UGT2B17: variants seen among roughly 807,000 people sequenced by gnomAD.
The protein encoded by UGT2B17 is UDP-glucuronosyltransferase 2B17.
UGT2B17 carries 21 observed loss-of-function variants against 48.2 expected under a neutral mutation model. The observed-to-expected ratio is 0.44, with a 90% CI of 0.31 to 0.63. UGT2B17 has a LOEUF of 0.63. Among genes scored for constraint, UGT2B17 ranks in the 20% least tolerant of loss-of-function variants. The pLI, the probability that UGT2B17 is intolerant of heterozygous loss-of-function variation, is 0.08. For synonymous variants in UGT2B17, 146 were observed against 238.4 expected (o/e 0.61, Z 3.57); for missense variants, 402 against 696.1 (o/e 0.58, Z 4.75).
In UGT2B17 at chr4:68,539,383, G is replaced by A. The variant is rs890326538; in HGVS notation, c.1314-1479C>T. On this transcript the variant is annotated intron_variant, in intron 6 of 6. Coordinates refer to ENST00000317746, the MANE Select transcript of UGT2B17 (RefSeq NM_001077.4). ...TAATTGCACTGGTGTAGAGTATTCA[G>A]TTGATTGACAAAGACCACAGATCTC... 1.1e-4 allele frequency among the ~76,000 whole-genome samples: 14 copies of A among 125,522 alleles called. 3 individuals carry two copies. The highest frequency in any genetic ancestry group is 3.8e-4 in the African/African-American group (14 of 36,864). The allele number at this position is 125,522 out of a possible 152,430, so 82.3% of individuals were successfully genotyped here. A position where few individuals can be genotyped will look rare whatever the true frequency, so the allele number is the denominator to read the frequency against.
At position 68,550,631 on chromosome 4, in the gene UGT2B17, A is replaced by C; in HGVS notation, c.1313+46T>G. ...GTTCAAACTCATATTCACTGTTGAC[A>C]AAATAATTTGTAAGTACCACCTGGT... On this transcript the variant is annotated intron_variant, in intron 6 of 6. Coordinates refer to ENST00000317746, the MANE Select transcript of UGT2B17 (RefSeq NM_001077.4). 2 of 1,318,756 alleles carry C rather than the reference A, an allele frequency of 1.5e-6. 1 individual carries two copies. Among genetic ancestry groups the C allele is most frequent in the Non-Finnish European group, 2.0e-6 (2 of 1,009,580 alleles). 81.7% of individuals were successfully genotyped at this position (1,318,756 alleles called of 1,614,324 possible).
At chr4:68,562,279 C>G (rs1731118481) in intron 3 of UGT2B17, among the ~76,000 whole-genome samples, 1 of 123,786 alleles carries the variant, frequency 8.1e-6, no homozygotes, top group Non-Finnish European at 1.7e-5. Context: ...CCACGCCTGG[C>G]TAATTTTTCT....
chr4:68,559,333 G>C lies in UGT2B17; in HGVS notation c.1005+1204C>G, dbSNP rs1363311654. ...TAAATGCTAACAATGTAGGAAAAAG[G>C]AGCCCATTGACAATTCATGATTAAC... On this transcript the variant is annotated intron_variant, in intron 4 of 6. Coordinates refer to ENST00000317746, the MANE Select transcript of UGT2B17 (RefSeq NM_001077.4). Among the ~76,000 whole-genome samples, 5 of 125,728 alleles carry C rather than the reference G, an allele frequency of 4.0e-5. 1 individual carries two copies. The highest frequency in any genetic ancestry group is 8.4e-5 in the Non-Finnish European group (5 of 59,346). 82.5% of individuals were successfully genotyped at this position (125,728 alleles called of 152,430 possible). A position where few individuals can be genotyped will look rare whatever the true frequency, so the allele number is the denominator to read the frequency against.
chr4:68,570,170 A>T (rs2109779372), intron 1 of UGT2B17, among the ~76,000 whole-genome samples: 1 of 126,800 alleles, frequency 7.9e-6, no homozygotes, highest in African/African-American at 2.7e-5. Flanking sequence ...ACTGCCTTAA[A>T]ATCCAAGCTC....
intron 3 of UGT2B17, among the ~76,000 whole-genome samples, chr4:68,562,699 GA>G (rs1731126313): frequency 8.0e-6 from 1 of 125,322 alleles, no homozygotes; most frequent in Admixed American, 8.2e-5. Flanking sequence ...GAAAATTTAG[GA>G]AAAAAATCAT....
rs1731067676 is a variant in UGT2B17 at position 68,559,705 on chromosome 4, T to C, written c.1005+832A>G. On this transcript the variant is annotated intron_variant, in intron 4 of 6. Coordinates refer to ENST00000317746, the MANE Select transcript of UGT2B17 (RefSeq NM_001077.4). Reference sequence around the variant, plus strand: ...ACACAAAGATTGTAGGTATATTCTATAGATTAGAAAATAAGTTCCTACCAT... The same window carrying C: ...ACACAAAGATTGTAGGTATATTCTACAGATTAGAAAATAAGTTCCTACCAT... Among the ~76,000 whole-genome samples, 2 of 126,100 alleles carry C rather than the reference T, an allele frequency of 1.6e-5. 1 individual carries two copies. Among genetic ancestry groups the C allele is most frequent in the Non-Finnish European group, 3.4e-5 (2 of 59,694 alleles). 82.7% of individuals were successfully genotyped at this position (126,100 alleles called of 152,430 possible).
chr4:68,552,003 C>A, intron 4 of UGT2B17, 92 bp from the exon 5 acceptor site: 1 of 878,276 alleles, frequency 1.1e-6, no homozygotes, highest in African/African-American at 1.8e-5. Context: ...TCAGTTAATC[C>A]ATATAAAAGA....
chr4:68,542,475 C>T lies in UGT2B17; in HGVS notation c.1314-4571G>A, dbSNP rs1225767740. Among the ~76,000 whole-genome samples the T allele has an allele frequency of 3.2e-5, 4 of 126,148 alleles. 1 individual carries two copies. Among genetic ancestry groups the T allele is most frequent in the South Asian group, 7.5e-4 (2 of 2,650 alleles). 82.8% of individuals were successfully genotyped at this position (126,148 alleles called of 152,430 possible). ...TACTGTGGGAAGAAGCCAAGATGGCCGAATAAGAACAGCTCCAGTCTACAG... is the reference window on the plus strand; with the variant it reads ...TACTGTGGGAAGAAGCCAAGATGGCTGAATAAGAACAGCTCCAGTCTACAG... On this transcript the variant is annotated intron_variant, in intron 6 of 6. Coordinates refer to ENST00000317746, the MANE Select transcript of UGT2B17 (RefSeq NM_001077.4).
Position 68,548,445 on chromosome 4 carries a change from G to A in UGT2B17, c.1313+2232C>T, listed in dbSNP as rs1362847744. ...TGCTTGGGGGTAGCGGGAGTGGGGA[G>A]GGATAGCATTAGGAGATACACTTAA... is the stretch of plus-strand genomic sequence containing the variant. On this transcript the variant is annotated intron_variant, in intron 6 of 6. Coordinates refer to ENST00000317746, the MANE Select transcript of UGT2B17 (RefSeq NM_001077.4). Among the ~76,000 whole-genome samples, 5 of 124,580 alleles carry A rather than the reference G, an allele frequency of 4.0e-5. 2 individuals carry two copies. Among genetic ancestry groups the A allele is most frequent in the African/African-American group, 1.4e-4 (5 of 36,474 alleles). The allele number at this position is 124,580 out of a possible 152,430, so 81.7% of individuals were successfully genotyped here.
chr4:68,538,592 C>T (rs1413428892), intron 6 of UGT2B17, among the ~76,000 whole-genome samples: 1 of 125,852 alleles, frequency 7.9e-6, no homozygotes, highest in African/African-American at 2.7e-5. Context: ...TGTCTCCTAA[C>T]TAGTTTCTCA....
chr4:68,568,823 G>A (rs1242863230), intron 1 of UGT2B17, among the ~76,000 whole-genome samples: 1 of 130,698 alleles, frequency 7.7e-6, no homozygotes, highest in African/African-American at 2.6e-5. Flanking sequence ...ATATCGTGGT[G>A]CAAGTAATGT....
rs570581033 is a variant in UGT2B17 at position 68,540,567 on chromosome 4, T to G, written c.1314-2663A>C. Among the ~76,000 whole-genome samples the G allele has an allele frequency of 4.2e-4, 54 of 127,092 alleles. 6 individuals carry two copies. The highest frequency in any genetic ancestry group is 1.4e-3 in the African/African-American group (54 of 37,286). 83.4% of individuals were successfully genotyped at this position (127,092 alleles called of 152,430 possible). ...GTCTCGATCTCTTGACCTCGTGATC[T>G]GCCCTCCTCAGCCACCCAAAGTGCT... On this transcript the variant is annotated intron_variant, in intron 6 of 6. Transcript: ENST00000317746.
intron 1 of UGT2B17, among the ~76,000 whole-genome samples, chr4:68,575,264 AG>A (rs373190659): frequency 8.4e-5 from 2 of 23,732 alleles, no homozygotes; most frequent in Non-Finnish European, 1.8e-4. Context: ...AACTATTGTG[AG>A]GGGGGGTGGG....
At position 68,567,773 on chromosome 4, in the gene UGT2B17, T is replaced by C. The variant is rs759660100; in HGVS notation, c.712A>G (p.Ser238Gly). The C allele has an allele frequency of 1.5e-6, 2 of 1,345,188 alleles. No individual in the cohort carries two copies. Among genetic ancestry groups the C allele is most frequent in the African/African-American group, 1.5e-5 (1 of 66,248 alleles). The allele number at this position is 1,345,188 out of a possible 1,614,324, so 83.3% of individuals were successfully genotyped here. ...ACACACGACTTACCTAGAACTTCAC[T>C]ATAAAACTGGTCCCACTTCTTCAGA... ...YDLKKWDQFY[S>G]EVLGRPTTLF... The change falls in exon 2 of 7, where the codon AGT becomes GGT. Residue 238 changes from serine to glycine, a missense_variant. Physicochemically the swap from Ser to Gly is moderately conservative, Grantham distance 56 (BLOSUM62 0). This residue lies in a region of UGT2B17 where 106 missense variants were observed against 169.8 expected (regional missense o/e 0.62). Transcript: ENST00000317746.
At chr4:68,559,489 T>C (rs1194297508) in intron 4 of UGT2B17, among the ~76,000 whole-genome samples, 1 of 125,928 alleles carries the variant, frequency 7.9e-6, no homozygotes, top group Non-Finnish European at 1.7e-5. Flanking sequence ...GTCATTACCA[T>C]GTCTAGTACC....
intron 4 of UGT2B17, among the ~76,000 whole-genome samples, chr4:68,558,340 C>T (rs1731040582): frequency 1.6e-5 from 2 of 125,212 alleles, no homozygotes; most frequent in South Asian, 7.3e-4. Flanking sequence ...AAAATAGTGT[C>T]TTCAGGTTTT....
At chr4:68,549,406 T>G (rs1730876248) in intron 6 of UGT2B17, among the ~76,000 whole-genome samples, 1 of 124,102 alleles carries the variant, frequency 8.1e-6, no homozygotes, top group African/African-American at 2.7e-5. Flanking sequence ...ATCGTATATT[T>G]GATAAGGGAT....
At chr4:68,574,313 T>C (rs1214077588) in intron 1 of UGT2B17, among the ~76,000 whole-genome samples, 1 of 127,108 alleles carries the variant, frequency 7.9e-6, no homozygotes, top group African/African-American at 2.7e-5. Context: ...AAGCTAAATT[T>C]TACTTTTATA....
chr4:68,549,188 T>G (rs1730872086), intron 6 of UGT2B17, among the ~76,000 whole-genome samples: 1 of 124,464 alleles, frequency 8.0e-6, no homozygotes, highest in African/African-American at 2.7e-5. Flanking sequence ...CCACCTTACA[T>G]CATAATAATA....
Sources: gnomAD v4.1 joint callset for allele counts (sites outside exome capture counted in the v4.1 genomes callset) on GRCh38, gnomAD v4.1.1 for gene constraint, gnomAD v4.1.1 regional missense constraint, MANE v1.5 for transcripts, NCBI Gene and HGNC (gene_info 2026-07-23, HGNC 2026-07-21) for gene names.